DENND1B: variants seen among roughly 807,000 people sequenced by gnomAD.
The protein encoded by DENND1B is DENN domain-containing protein 1B.
A neutral mutation model predicts 90.1 loss-of-function variants in DENND1B; 59 were observed. The ratio of observed to expected loss-of-function variants is 0.65; its 90% confidence interval spans 0.53 to 0.81. DENND1B has a LOEUF of 0.81. Among genes scored for constraint, DENND1B ranks in the 40% least tolerant of loss-of-function variants. The pLI is 0.00. For synonymous variants in DENND1B, 337 were observed against 324.6 expected, an observed-to-expected ratio of 1.04 and a Z score of -0.41; for missense variants, 862 against 912.6, an observed-to-expected ratio of 0.94 and a Z score of 0.71.
chr1:197,582,613 A>G (rs1674341505), intron 15 of DENND1B, among the ~76,000 whole-genome samples: 1 of 152,218 alleles, frequency 6.6e-6, no homozygotes, highest in Non-Finnish European at 1.5e-5. Context: ...TCTGATGTCT[A>G]GTTACTGCTT....
intron 3 of DENND1B, among the ~76,000 whole-genome samples, chr1:197,710,437 G>A (rs1197731276): frequency 2.9e-5 from 1 of 34,552 alleles, no homozygotes; most frequent in Admixed American, 2.9e-4. Flanking sequence ...ACTCAAAGCC[G>A]CTCAACTACA....
chr1:197,545,157 C>A, intron 18 of DENND1B, among the ~76,000 whole-genome samples: 1 of 151,960 alleles, frequency 6.6e-6, no homozygotes. Flanking sequence ...ATAATCCCAG[C>A]ACTTTGAGAG....
At chr1:197,638,574 T>C (rs1352804560) in intron 10 of DENND1B, among the ~76,000 whole-genome samples, 1 of 152,200 alleles carries the variant, frequency 6.6e-6, no homozygotes, top group African/African-American at 2.4e-5. Context: ...GCTTCATGCC[T>C]GACTGATTTG....
At chr1:197,734,855 G>A (rs901752104) in intron 2 of DENND1B, 1 of 984,442 alleles carries the variant, frequency 1.0e-6, no homozygotes. Flanking sequence ...TTCATAAGGG[G>A]GAAAATAATC....
chr1:197,628,984 C>T (rs1397722759), intron 10 of DENND1B, among the ~76,000 whole-genome samples: 2 of 152,136 alleles, frequency 1.3e-5, no homozygotes, highest in African/African-American at 4.8e-5. Flanking sequence ...GAGATACCAT[C>T]TCACACCAGT....
At chr1:197,754,883 G>T (rs12081792) in intron 2 of DENND1B, among the ~76,000 whole-genome samples, 14 of 152,198 alleles carry the variant, frequency 9.2e-5, no homozygotes, top group Middle Eastern at 3.4e-3. Context: ...CTGGGTGATA[G>T]AATTTTAGTC....
At chr1:197,685,957 C>A (rs1239211781) in intron 3 of DENND1B, among the ~76,000 whole-genome samples, 1 of 152,088 alleles carries the variant, frequency 6.6e-6, no homozygotes, top group Non-Finnish European at 1.5e-5. Flanking sequence ...CAATTTTGTT[C>A]TTAGTTCTTA....
At chr1:197,588,684 TGCA>T (rs1371448913) in intron 14 of DENND1B, among the ~76,000 whole-genome samples, 1 of 152,148 alleles carries the variant, frequency 6.6e-6, no homozygotes, top group African/African-American at 2.4e-5. Flanking sequence ...TTCAAATATT[TGCA>T]GATTCTCACA....
In DENND1B at chr1:197,642,837, A is replaced by G. The variant is rs1680386622; in HGVS notation, c.562-16T>C. ...TAAGATTTCTCTGTACAAGTAAAAG[A>G]TAATTGTGTAAGTTACAGCTCATAG... On this transcript the variant is annotated splice_polypyrimidine_tract_variant and intron_variant, in intron 9 of 22. Coordinates refer to ENST00000620048, the MANE Select transcript of DENND1B (RefSeq NM_001195215.2). 5 of 1,581,384 alleles carry G rather than the reference A, an allele frequency of 3.2e-6. No homozygotes were observed. Among genetic ancestry groups the G allele is most frequent in the African/African-American group, 2.7e-5 (2 of 74,128 alleles).
chr1:197,613,750 C>A (rs978993079), intron 11 of DENND1B, among the ~76,000 whole-genome samples: 3 of 150,816 alleles, frequency 2.0e-5, no homozygotes, highest in Non-Finnish European at 4.5e-5. Context: ...TCAAGCCCTG[C>A]CTATGTTCAA....
chr1:197,703,939 T>C (rs1659278291), intron 3 of DENND1B, among the ~76,000 whole-genome samples: 1 of 152,096 alleles, frequency 6.6e-6, no homozygotes, highest in Admixed American at 6.6e-5. Flanking sequence ...TTTCTCCATC[T>C]CTCTCCAGTC....
At chr1:197,716,638 G>T (rs1259336805) in intron 2 of DENND1B, among the ~76,000 whole-genome samples, 1 of 151,710 alleles carries the variant, frequency 6.6e-6, no homozygotes, top group Non-Finnish European at 1.5e-5. Context: ...AATATTAAAT[G>T]AAAGTTTTTA....
chr1:197,735,755 C>G lies in DENND1B; in HGVS notation c.83-20681G>C, dbSNP rs563660220. ...TTAATGCAAAATGCGAATCGGCGTA[C>G]TTTTCCAGGGGGAATCCTCGGCAGA... is the stretch of plus-strand genomic sequence containing the variant. On this transcript the variant is annotated intron_variant, in intron 2 of 22. Coordinates refer to ENST00000620048, the MANE Select transcript of DENND1B (RefSeq NM_001195215.2). The G allele has an allele frequency of 5.1e-5, 83 of 1,612,286 alleles. No homozygotes were observed. In the African/African-American group the frequency reaches 1.0e-3, roughly 20 times the overall value.
chr1:197,729,014 C>T (rs1661905198), intron 2 of DENND1B, among the ~76,000 whole-genome samples: 1 of 152,122 alleles, frequency 6.6e-6, no homozygotes, highest in South Asian at 2.1e-4. Context: ...CAAGGATTTA[C>T]TTATACTCCA....
At chr1:197,598,145 A>C (rs1205328953) in intron 13 of DENND1B, among the ~76,000 whole-genome samples, 3 of 151,844 alleles carry the variant, frequency 2.0e-5, no homozygotes, top group Non-Finnish European at 4.4e-5. Context: ...CTGGCAAGAA[A>C]TATAGTTATA....
chr1:197,563,257 T>C (rs933507407), intron 15 of DENND1B, among the ~76,000 whole-genome samples: 18 of 151,958 alleles, frequency 1.2e-4, no homozygotes, highest in African/African-American at 4.1e-4. Flanking sequence ...ACGACATTCA[T>C]AGCTAGAGAG....
At chr1:197,716,379 ATACAT>A (rs1660649830) in intron 2 of DENND1B, among the ~76,000 whole-genome samples, 2 of 151,750 alleles carry the variant, frequency 1.3e-5, no homozygotes, top group African/African-American at 4.8e-5. Context: ...TATAAGAATA[ATACAT>A]TACAAATTTA....
intron 2 of DENND1B, chr1:197,735,695 C>T: frequency 2.5e-6 from 4 of 1,614,080 alleles, no homozygotes; most frequent in Non-Finnish European, 3.4e-6. Context: ...ACGGGAGGCG[C>T]TACGCCAGGA....
chr1:197,743,399 TA>T (rs35789693), intron 2 of DENND1B, among the ~76,000 whole-genome samples: 124,836 of 151,766 alleles, frequency 0.82, 51,940 homozygotes, highest in African/African-American at 0.95. Context: ...TTTAAAAATG[TA>T]AAAAACCCTA....
Sources: allele counts gnomAD v4.1 joint callset (sites outside exome capture counted in the v4.1 genomes callset), GRCh38; gene constraint gnomAD v4.1.1; transcripts MANE v1.5; gene names NCBI Gene and HGNC (gene_info 2026-07-23, HGNC 2026-07-21).